The following PTPRG variants were observed in gnomAD, a reference collection of about 807,000 sequenced individuals.
PTPRG encodes protein tyrosine phosphatase receptor type G.
Under a neutral mutation model 165.3 loss-of-function variants are expected in PTPRG, and 102 were observed. The observed-to-expected ratio is 0.62, with a 90% CI of 0.53 to 0.73. The LOEUF (loss-of-function observed/expected upper bound fraction) is 0.73. PTPRG is among the 30% of genes least tolerant of loss of function. The pLI is 0.00. For synonymous variants in PTPRG, 675 were observed against 669.5 expected, an observed-to-expected ratio of 1.01 and a Z score of -0.13; for missense variants, 1,866 against 1,861.4, an observed-to-expected ratio of 1.00 and a Z score of -0.05.
At chr3:61,782,434 C>T (rs765600935) in intron 2 of PTPRG, among the ~76,000 whole-genome samples, 49 of 152,174 alleles carry the variant, frequency 3.2e-4, no homozygotes, top group Non-Finnish European at 6.2e-4. Context: ...TGAGTGTGAA[C>T]CATCAGCCAG....
At chr3:61,573,941 T>C (rs1458747538) in intron 1 of PTPRG, among the ~76,000 whole-genome samples, 1 of 152,234 alleles carries the variant, frequency 6.6e-6, no homozygotes, top group African/African-American at 2.4e-5. Context: ...AAGGTATCTG[T>C]TGCTGAGAAC....
chr3:62,201,661 T>A, intron 11 of PTPRG, 107 bp downstream of exon 11: 1 of 1,008,802 alleles, frequency 9.9e-7, no homozygotes, highest in Non-Finnish European at 1.5e-6. Flanking sequence ...CTGCTCAGTG[T>A]AAAGCGGTTA....
At chr3:61,950,023 G>A (rs1056326361) in intron 2 of PTPRG, among the ~76,000 whole-genome samples, 1 of 152,218 alleles carries the variant, frequency 6.6e-6, no homozygotes, top group Non-Finnish European at 1.5e-5. Flanking sequence ...TGGGATTACA[G>A]GCATGAGCCA....
intron 1 of PTPRG, among the ~76,000 whole-genome samples, chr3:61,643,529 C>T (rs1702120573): frequency 6.6e-6 from 1 of 152,094 alleles, no homozygotes; most frequent in Admixed American, 6.5e-5. Context: ...CCTGTAATGC[C>T]AGCACTTTGG....
At chr3:62,166,838 A>G (rs1705006111) in intron 7 of PTPRG, among the ~76,000 whole-genome samples, 1 of 152,018 alleles carries the variant, frequency 6.6e-6, no homozygotes, top group African/African-American at 2.4e-5. Flanking sequence ...ACAGGCATGC[A>G]CCACCATGCC....
chr3:62,263,227 G>C (rs970598973), intron 17 of PTPRG: 5 of 218,660 alleles, frequency 2.3e-5, no homozygotes, highest in Admixed American at 5.8e-5. Context: ...TTTTTAACCT[G>C]TAAGGGCCAA....
chr3:62,157,641 G>T (rs2106700010), intron 7 of PTPRG, among the ~76,000 whole-genome samples: 1 of 152,230 alleles, frequency 6.6e-6, no homozygotes, highest in African/African-American at 2.4e-5. Flanking sequence ...TATGAGGAAG[G>T]TGCTGTGCAT....
chr3:62,174,924 T>C (rs1266134678), intron 8 of PTPRG, among the ~76,000 whole-genome samples: 1 of 151,866 alleles, frequency 6.6e-6, no homozygotes, highest in Non-Finnish European at 1.5e-5. Flanking sequence ...CCATGGAGAG[T>C]TTTTAACCCC....
Position 62,174,599 on chromosome 3 carries a change from C to G in PTPRG, c.1033+6436C>G, listed in dbSNP as rs1705343700. Among the ~76,000 whole-genome samples the G allele has an allele frequency of 2.0e-5, 3 of 152,158 alleles. 1 individual carries two copies. In the South Asian group the frequency reaches 6.2e-4, roughly 32 times the overall value. On this transcript the variant is annotated intron_variant, in intron 8 of 29. Transcript: ENST00000474889. ...AAATCAGTACATTGAGAAAGAGGGT[C>G]ACATTTTCTATCCAAATTAGCAAAC...
intron 5 of PTPRG, among the ~76,000 whole-genome samples, chr3:62,130,270 A>G (rs941015601): frequency 6.6e-6 from 1 of 152,206 alleles, no homozygotes; most frequent in Non-Finnish European, 1.5e-5. Flanking sequence ...TCATCCTTTA[A>G]TAGGCTAACT....
chr3:62,176,133 G>T (rs989068608), intron 8 of PTPRG, among the ~76,000 whole-genome samples: 1 of 152,168 alleles, frequency 6.6e-6, no homozygotes, highest in African/African-American at 2.4e-5. Flanking sequence ...GAGTCTGCAG[G>T]ACCCTGCAAG....
At chr3:61,806,068 C>T (rs2035406107) in intron 2 of PTPRG, among the ~76,000 whole-genome samples, 1 of 152,012 alleles carries the variant, frequency 6.6e-6, no homozygotes, top group Non-Finnish European at 1.5e-5. Context: ...TGGAACAGGC[C>T]CTTTGTAGCT....
At chr3:62,086,146 C>T (rs9864817) in intron 5 of PTPRG, among the ~76,000 whole-genome samples, 3,129 of 152,154 alleles carry the variant, frequency 0.021, 104 homozygotes, top group African/African-American at 0.072. Flanking sequence ...AGCAGAACAC[C>T]ACTATTAAAG....
intron 2 of PTPRG, among the ~76,000 whole-genome samples, chr3:61,887,300 A>C (rs1477692454): frequency 6.6e-6 from 1 of 151,816 alleles, no homozygotes; most frequent in East Asian, 1.9e-4. Flanking sequence ...AGCCCCTGGC[A>C]ATCATTTCTT....
chr3:61,588,411 T>A lies in PTPRG; in HGVS notation c.85+26039T>A, dbSNP rs897840684. 4.6e-5 allele frequency among the ~76,000 whole-genome samples: 7 copies of A among 152,102 alleles called. 1 individual carries two copies. Among genetic ancestry groups the A allele is most frequent in the Admixed American group, 4.6e-4 (7 of 15,274 alleles). ...TTTTTTTTTATCTTGAGACAGAGTC[T>A]TGCCCTGTTGCCCAGGCCGGAGTGA... On this transcript the variant is annotated intron_variant, in intron 1 of 29. Coordinates refer to ENST00000474889, the MANE Select transcript of PTPRG (RefSeq NM_002841.4).
At chr3:62,017,157 C>T (rs150509123) in intron 4 of PTPRG, among the ~76,000 whole-genome samples, 1 of 152,224 alleles carries the variant, frequency 6.6e-6, no homozygotes, top group East Asian at 1.9e-4. Context: ...GCAGTGTTAC[C>T]CATTAGGAAA....
chr3:61,587,419 T>A (rs1233839458), intron 1 of PTPRG, among the ~76,000 whole-genome samples: 1 of 152,158 alleles, frequency 6.6e-6, no homozygotes. Context: ...CACACTTTTT[T>A]TTTTCTGAGC....
rs141299272 is a variant in PTPRG at position 61,603,396 on chromosome 3, C to G, written c.85+41024C>G. 5.2e-3 allele frequency among the ~76,000 whole-genome samples: 791 copies of G among 152,296 alleles called. 8 individuals carry two copies. In the Middle Eastern group the frequency reaches 0.085, roughly 16 times the overall value. On this transcript the variant is annotated intron_variant, in intron 1 of 29. Coordinates refer to ENST00000474889, the MANE Select transcript of PTPRG (RefSeq NM_002841.4). ...GTGTGGCATCCCTCACCTACCCCCA[C>G]TTGCTTCTGCTTTGCCTTCTGCCAT...
chr3:62,207,467 A>G (rs1322389851), intron 12 of PTPRG, among the ~76,000 whole-genome samples: 1 of 152,168 alleles, frequency 6.6e-6, no homozygotes, highest in Non-Finnish European at 1.5e-5. Context: ...TGCCTCCTCC[A>G]GTATGGTATT....
Sources: gnomAD v4.1 joint callset for allele counts (sites outside exome capture counted in the v4.1 genomes callset) on GRCh38, gnomAD v4.1.1 for gene constraint, MANE v1.5 for transcripts, NCBI Gene and HGNC (gene_info 2026-07-23, HGNC 2026-07-21) for gene names.